The following ADAMTS18 variants were observed in gnomAD, a reference collection of about 807,000 sequenced individuals.
ADAMTS18 encodes the protein A disintegrin and metalloproteinase with thrombospondin motifs 18.
ADAMTS18 carries 157 observed loss-of-function variants against 165.9 expected under a neutral mutation model. The observed-to-expected ratio is 0.95, with a 90% CI of 0.83 to 1.08. The LOEUF is 1.08. ADAMTS18 is among the 50% of genes least tolerant of loss of function. The probability of loss-of-function intolerance (pLI) is 0.00; values close to 1 mark genes in which losing one functional copy is unlikely to be tolerated. For missense variants in ADAMTS18, 2,040 were observed against 1,534.0 expected, an observed-to-expected ratio of 1.33 and a Z score of -5.51; for synonymous variants, 782 against 578.2, an observed-to-expected ratio of 1.35 and a Z score of -5.06.
chr16:77,405,725 A>AT (rs141502506), intron 3 of ADAMTS18, among the ~76,000 whole-genome samples: 2,495 of 152,200 alleles, frequency 0.016, 68 homozygotes, highest in African/African-American at 0.057. Flanking sequence ...ATGGTTCCTG[A>AT]TGAGGGCTGA....
At chr16:77,348,508 C>T (rs2056509861) in intron 10 of ADAMTS18, among the ~76,000 whole-genome samples, 1 of 152,192 alleles carries the variant, frequency 6.6e-6, no homozygotes, top group African/African-American at 2.4e-5. Context: ...AGTACTGTGG[C>T]ATGCCTGCTC....
intron 3 of ADAMTS18, among the ~76,000 whole-genome samples, chr16:77,377,423 T>C (rs1211390435): frequency 2.0e-5 from 3 of 152,224 alleles, no homozygotes; most frequent in African/African-American, 7.2e-5. Flanking sequence ...TATCCCACTA[T>C]TTCTACCTAT....
chr16:77,344,238 G>T (rs2056442942), intron 10 of ADAMTS18, among the ~76,000 whole-genome samples: 1 of 151,166 alleles, frequency 6.6e-6, no homozygotes. Flanking sequence ...GAGAATGGAA[G>T]AATATTGAGG....
At chr16:77,370,066 A>C (rs188495140) in intron 3 of ADAMTS18, among the ~76,000 whole-genome samples, 41 of 152,332 alleles carry the variant, frequency 2.7e-4, no homozygotes, top group Non-Finnish European at 5.1e-4. Context: ...AATTAGGTAT[A>C]GAAAAAGTGC....
At chr16:77,398,654 G>A (rs1052309269) in intron 3 of ADAMTS18, among the ~76,000 whole-genome samples, 1 of 152,158 alleles carries the variant, frequency 6.6e-6, no homozygotes, top group African/African-American at 2.4e-5. Context: ...GGGGCTGTCA[G>A]TGCATTCATT....
rs180824507 is a variant in ADAMTS18 at position 77,418,347 on chromosome 16, G to T, written c.495+12948C>A. ...CGTAAAGAATAGAGTTTGTGATTGT[G>T]CTCTATGAGTAGTTCTCAGCTAGGG... is the stretch of plus-strand genomic sequence containing the variant. On this transcript the variant is annotated intron_variant, in intron 3 of 22. Transcript: ENST00000282849. 2.3e-3 allele frequency among the ~76,000 whole-genome samples: 348 copies of T among 152,286 alleles called. 1 individual carries two copies. The highest frequency in any genetic ancestry group is 2.9e-3 in the Non-Finnish European group (195 of 68,016).
chr16:77,296,273 C>A (rs2055469964), intron 18 of ADAMTS18, among the ~76,000 whole-genome samples: 1 of 152,112 alleles, frequency 6.6e-6, no homozygotes, highest in Non-Finnish European at 1.5e-5. Context: ...TAAAGTCAAT[C>A]CAAGAACAAA....
chr16:77,297,349 C>T lies in ADAMTS18; in HGVS notation c.2741G>A (p.Ser914Asn). 4 of 1,614,080 alleles carry T rather than the reference C, an allele frequency of 2.5e-6. No homozygotes were observed. The highest frequency in any genetic ancestry group is 3.4e-6 in the Non-Finnish European group (4 of 1,179,948). ...CTCAGTTACTGGCTTGGTTTTTGCA[C>T]TGCAGAATGAGGAATTGACTTGAGT... ...QNTQVNSSFC[S>N]AKTKPVTEPK... The change falls in exon 18 of 23, where the codon AGT becomes AAT. Residue 914 changes from serine to asparagine, a missense_variant. Ser to Asn is a conservative substitution (Grantham distance 46). Coordinates refer to ENST00000282849, the MANE Select transcript of ADAMTS18 (RefSeq NM_199355.4).
At chr16:77,372,536 T>G (rs764590868) in intron 3 of ADAMTS18, among the ~76,000 whole-genome samples, 4 of 152,132 alleles carry the variant, frequency 2.6e-5, no homozygotes, top group Non-Finnish European at 5.9e-5. Flanking sequence ...GAGTCTTCAT[T>G]CACAAGCACA....
intron 3 of ADAMTS18, among the ~76,000 whole-genome samples, chr16:77,428,241 A>G (rs1299909176): frequency 6.6e-6 from 1 of 152,130 alleles, no homozygotes; most frequent in African/African-American, 2.4e-5. Flanking sequence ...CTCTCCTGGC[A>G]TGTTAACTCG....
intron 11 of ADAMTS18, among the ~76,000 whole-genome samples, chr16:77,337,314 A>G (rs1347712715): frequency 6.6e-6 from 1 of 152,190 alleles, no homozygotes; most frequent in Non-Finnish European, 1.5e-5. Context: ...AAATTACAAT[A>G]GCCAATAACA....
At chr16:77,378,188 T>C (rs2056979352) in intron 3 of ADAMTS18, among the ~76,000 whole-genome samples, 1 of 151,990 alleles carries the variant, frequency 6.6e-6, no homozygotes, top group Non-Finnish European at 1.5e-5. Flanking sequence ...CAGGTGTGTG[T>C]GGTGGCATGT....
At chr16:77,335,645 C>A (rs1431718800) in intron 12 of ADAMTS18, 111 bp downstream of exon 12, 26 of 1,311,908 alleles carry the variant, frequency 2.0e-5, no homozygotes, top group Non-Finnish European at 2.8e-5. Flanking sequence ...ATTATGTAGC[C>A]ATAATAATTA....
chr16:77,363,406 C>T (rs1344548998), intron 6 of ADAMTS18, among the ~76,000 whole-genome samples: 1 of 152,112 alleles, frequency 6.6e-6, no homozygotes, highest in Non-Finnish European at 1.5e-5. Context: ...CCAGCAATCA[C>T]TCAGCATATC....
Position 77,351,944 on chromosome 16 carries a change from G to C in ADAMTS18, c.1614+1789C>G, listed in dbSNP as rs200347919. Among the ~76,000 whole-genome samples the C allele has an allele frequency of 1.4e-4, 22 of 152,204 alleles. No homozygotes were observed. The East Asian group carries it at 3.9e-3, about 27-fold the overall frequency. On this transcript the variant is annotated intron_variant, in intron 10 of 22. Coordinates refer to ENST00000282849, the MANE Select transcript of ADAMTS18 (RefSeq NM_199355.4). Reference sequence around the variant, plus strand: ...AGAGAGGGTCTAACTTTGTTGCCCAGGTTGTTCTCAAACTGCTGGCCTCAA... The same window carrying C: ...AGAGAGGGTCTAACTTTGTTGCCCACGTTGTTCTCAAACTGCTGGCCTCAA...
chr16:77,384,477 C>A (rs770119241), intron 3 of ADAMTS18, among the ~76,000 whole-genome samples: 16 of 152,162 alleles, frequency 1.1e-4, no homozygotes, highest in Non-Finnish European at 1.6e-4. Flanking sequence ...TCAAATCATA[C>A]TGACTGAATA....
rs559599252 is a variant in ADAMTS18, at chr16:77,407,998, T to C, written c.495+23297A>G. Reference sequence around the variant, plus strand: ...AGGCATACCAGGATGTACAAGAAAATACTATTATCCAAAGAGATGCCATAC... The same window carrying C: ...AGGCATACCAGGATGTACAAGAAAACACTATTATCCAAAGAGATGCCATAC... On this transcript the variant is annotated intron_variant, in intron 3 of 22. Transcript: ENST00000282849. Among the ~76,000 whole-genome samples, 4 of 152,002 alleles carry C rather than the reference T, an allele frequency of 2.6e-5. No homozygotes were observed. The South Asian group carries it at 8.3e-4, about 32-fold the overall frequency.
chr16:77,301,603 CT>C (rs1434321057), intron 16 of ADAMTS18, among the ~76,000 whole-genome samples: 5 of 152,340 alleles, frequency 3.3e-5, no homozygotes, highest in African/African-American at 1.2e-4. Flanking sequence ...ATAGGAACCC[CT>C]GGCTCTGTCT....
chr16:77,371,863 C>G (rs2056880955), intron 3 of ADAMTS18, among the ~76,000 whole-genome samples: 1 of 152,080 alleles, frequency 6.6e-6, no homozygotes. Flanking sequence ...TATTTGTAAA[C>G]TATGTACCCG....
Sources: allele counts gnomAD v4.1 joint callset (sites outside exome capture counted in the v4.1 genomes callset), GRCh38; gene constraint gnomAD v4.1.1; transcripts MANE v1.5; gene names NCBI Gene and HGNC (gene_info 2026-07-23, HGNC 2026-07-21).